The following EPC2 variants were observed in gnomAD, a reference collection of about 807,000 sequenced individuals.
The protein encoded by EPC2 is enhancer of polycomb 2.
In EPC2, 14 loss-of-function variants were observed where a neutral mutation model predicts 92.1. That is an observed-to-expected ratio of 0.15 (90% CI 0.10 to 0.24). EPC2 has a LOEUF of 0.24. Ranked by LOEUF, EPC2 falls within the 10% of genes least tolerant of loss-of-function variation. The pLI is 1.00. For missense variants in EPC2, 755 were observed against 971.5 expected (o/e 0.78, Z 2.96); for synonymous variants, 340 against 334.7 (o/e 1.02, Z -0.17).
At chr2:148,684,262 G>T (rs1187203946) in intron 1 of EPC2, among the ~76,000 whole-genome samples, 1 of 152,070 alleles carries the variant, frequency 6.6e-6, no homozygotes, top group South Asian at 2.1e-4. Context: ...TTAGTCCTTT[G>T]TTAGATGCAT....
intron 10 of EPC2, among the ~76,000 whole-genome samples, chr2:148,773,749 C>G (rs910504789): frequency 6.6e-6 from 1 of 152,044 alleles, no homozygotes; most frequent in Non-Finnish European, 1.5e-5. Context: ...ATATCAGTTA[C>G]ATTCATTATA....
Position 148,730,268 on chromosome 2 carries a change from T to C in EPC2, c.314-13354T>C, listed in dbSNP as rs561552282. On this transcript the variant is annotated intron_variant, in intron 2 of 13. Coordinates refer to ENST00000258484, the MANE Select transcript of EPC2 (RefSeq NM_015630.4). Reference sequence around the variant, plus strand: ...AAAGTTGGAAGCTAGGTCAGAACTTTGGAGAGCTCCAAGCAAAGGAGATTA... The same window carrying C: ...AAAGTTGGAAGCTAGGTCAGAACTTCGGAGAGCTCCAAGCAAAGGAGATTA... Among the ~76,000 whole-genome samples the C allele has an allele frequency of 5.4e-4, 82 of 152,296 alleles. 2 individuals are homozygous for C. In the South Asian group the frequency reaches 0.015, roughly 27 times the overall value.
chr2:148,783,085 G>T (rs564570519), intron 11 of EPC2, among the ~76,000 whole-genome samples: 14 of 152,144 alleles, frequency 9.2e-5, no homozygotes, highest in Non-Finnish European at 1.8e-4. Flanking sequence ...CAAGGACTAG[G>T]GCTGTAGGAC....
chr2:148,693,018 A>G (rs1340759197), intron 2 of EPC2, among the ~76,000 whole-genome samples: 3 of 152,156 alleles, frequency 2.0e-5, no homozygotes, highest in Non-Finnish European at 4.4e-5. Context: ...AGATTTTTAT[A>G]TGTAGTCATT....
intron 2 of EPC2, among the ~76,000 whole-genome samples, chr2:148,710,205 T>A (rs1682106993): frequency 6.6e-6 from 1 of 152,194 alleles, no homozygotes; most frequent in African/African-American, 2.4e-5. Context: ...AACAGACACT[T>A]TTCAAAAGAA....
intron 2 of EPC2, among the ~76,000 whole-genome samples, chr2:148,728,142 A>G (rs1301764613): frequency 6.6e-6 from 1 of 152,008 alleles, no homozygotes; most frequent in Non-Finnish European, 1.5e-5. Flanking sequence ...GGAGCTTACC[A>G]TGTTGCTCAG....
chr2:148,730,817 C>T (rs1221729348), intron 2 of EPC2, among the ~76,000 whole-genome samples: 1 of 152,204 alleles, frequency 6.6e-6, no homozygotes, highest in African/African-American at 2.4e-5. Context: ...ATCCATTTAA[C>T]TGAAAGTTAG....
chr2:148,645,998 C>T (rs1038940066), intron 1 of EPC2, among the ~76,000 whole-genome samples: 1 of 152,198 alleles, frequency 6.6e-6, no homozygotes, highest in Non-Finnish European at 1.5e-5. Flanking sequence ...AATACAGCAC[C>T]TTTTGGGAAA....
At position 148,774,624 on chromosome 2, in the gene EPC2, T is replaced by TATTATATATATATATATATATATATA. The variant is rs935978031; in HGVS notation, c.1720+3237_1720+3238insATTATATATATATATATATATATATA. Among the ~76,000 whole-genome samples, 849 of 132,286 alleles carry TATTATATATATATATATATATATATA rather than the reference T, an allele frequency of 6.4e-3. 12 individuals are homozygous for TATTATATATATATATATATATATATA. Among genetic ancestry groups the TATTATATATATATATATATATATATA allele is most frequent in the East Asian group, 0.023 (89 of 3,816 alleles). 86.8% of individuals were successfully genotyped at this position (132,286 alleles called of 152,430 possible). ...CCTGACTCAAAAAAAAAAATATATT[T>TATTATATATATATATATATATATATA]TATATATATATATATATGCATGTAC... On this transcript the variant is annotated intron_variant, in intron 10 of 13. Coordinates refer to ENST00000258484, the MANE Select transcript of EPC2 (RefSeq NM_015630.4).
At chr2:148,652,230 C>T (rs1275033731) in intron 1 of EPC2, among the ~76,000 whole-genome samples, 3 of 151,966 alleles carry the variant, frequency 2.0e-5, no homozygotes, top group Non-Finnish European at 2.9e-5. Flanking sequence ...GATCTGCTAC[C>T]GATGGTAATA....
At chr2:148,695,440 C>T (rs2105374157) in intron 2 of EPC2, among the ~76,000 whole-genome samples, 1 of 152,206 alleles carries the variant, frequency 6.6e-6, no homozygotes, top group East Asian at 1.9e-4. Flanking sequence ...ACTGATAAAG[C>T]TGACTGTTGT....
At chr2:148,705,891 G>T (rs1187893098) in intron 2 of EPC2, among the ~76,000 whole-genome samples, 1 of 152,216 alleles carries the variant, frequency 6.6e-6, no homozygotes, top group Non-Finnish European at 1.5e-5. Context: ...CAAAGATGGG[G>T]AGAAACCAGA....
intron 2 of EPC2, among the ~76,000 whole-genome samples, chr2:148,702,998 G>T (rs1421788163): frequency 6.6e-6 from 1 of 152,122 alleles, no homozygotes; most frequent in African/African-American, 2.4e-5. Flanking sequence ...CATACTTCCT[G>T]ATATTAAGCA....
intron 1 of EPC2, among the ~76,000 whole-genome samples, chr2:148,675,611 T>C (rs1180029089): frequency 1.3e-5 from 2 of 152,182 alleles, no homozygotes; most frequent in African/African-American, 4.8e-5. Context: ...TAACTCTTTC[T>C]AGCTGGTGTT....
chr2:148,760,134 T>A (rs1289355319), intron 4 of EPC2, among the ~76,000 whole-genome samples: 1 of 151,988 alleles, frequency 6.6e-6, no homozygotes, highest in Non-Finnish European at 1.5e-5. Context: ...TCCCAGCTAC[T>A]GAGGCTGAGG....
At chr2:148,719,781 C>A (rs1682332238) in intron 2 of EPC2, among the ~76,000 whole-genome samples, 1 of 152,240 alleles carries the variant, frequency 6.6e-6, no homozygotes. Flanking sequence ...TGTTGGTGAT[C>A]CCTTTAGCCA....
chr2:148,690,307 G>T lies in EPC2; in HGVS notation c.247G>T (p.Val83Phe). 6.2e-7 allele frequency: 1 copy of T among 1,612,760 alleles called. No individual in the cohort carries two copies. ...TCCTGTTCCTGAGGCAGAGAGCAAC[G>T]TCAACTATTACAATCGCTTGTACAA... ...VIPVPEAESN[V>F]NYYNRLYKGE... The change falls in exon 2 of 14, where the codon GTC becomes TTC. Residue 83 changes from valine to phenylalanine, a missense_variant. By Grantham distance (50) the Val-to-Phe change is conservative. Transcript: ENST00000258484.
At chr2:148,728,706 G>C (rs922839373) in intron 2 of EPC2, among the ~76,000 whole-genome samples, 1 of 151,640 alleles carries the variant, frequency 6.6e-6, no homozygotes, top group African/African-American at 2.4e-5. Context: ...CTGCATCCTG[G>C]GTGACAAAGT....
At chr2:148,733,623 G>A (rs773540929) in intron 2 of EPC2, among the ~76,000 whole-genome samples, 18 of 149,790 alleles carry the variant, frequency 1.2e-4, no homozygotes, top group Non-Finnish European at 1.8e-4. Context: ...TCAGCCTCCC[G>A]GGTAGCTGGT....
Sources: gnomAD v4.1 joint callset for allele counts (sites outside exome capture counted in the v4.1 genomes callset) on GRCh38, gnomAD v4.1.1 for gene constraint, MANE v1.5 for transcripts, NCBI Gene and HGNC (gene_info 2026-07-23, HGNC 2026-07-21) for gene names.